The following SHANK2 variants were observed in gnomAD, a reference collection of about 807,000 sequenced individuals.
SHANK2 encodes SH3 and multiple ankyrin repeat domains protein 2.
In SHANK2, 43 loss-of-function variants were observed where a neutral mutation model predicts 133.7. The observed-to-expected ratio is 0.32, with a 90% CI of 0.25 to 0.41. SHANK2 has a LOEUF of 0.41. Ranked by LOEUF, SHANK2 falls within the 10% of genes least tolerant of loss-of-function variation. SHANK2 has a pLI of 1.00. For synonymous variants in SHANK2, 1,017 were observed against 952.8 expected (o/e 1.07, Z -1.24); for missense variants, 1,994 against 2,235.8 (o/e 0.89, Z 2.18).
chr11:70,717,048 C>T (rs1945946001), intron 14 of SHANK2, among the ~76,000 whole-genome samples: 1 of 152,200 alleles, frequency 6.6e-6, no homozygotes, highest in Non-Finnish European at 1.5e-5. Flanking sequence ...TTCTCCCTCT[C>T]CACCGTTACC....
At chr11:70,901,250 T>C (rs953707154) in intron 10 of SHANK2, among the ~76,000 whole-genome samples, 2 of 152,200 alleles carry the variant, frequency 1.3e-5, no homozygotes, top group Admixed American at 6.5e-5. Flanking sequence ...GTCATTTTCA[T>C]GGACTATGGC....
At chr11:70,502,078 G>C (rs1223932358) in intron 19 of SHANK2, 128 bp downstream of exon 19, 66 of 1,317,464 alleles carry the variant, frequency 5.0e-5, no homozygotes, top group Non-Finnish European at 6.7e-5. Flanking sequence ...CCTGATGCAC[G>C]TCTGGGTACA....
At position 70,830,706 on chromosome 11, in the gene SHANK2, T is replaced by C. The variant is rs1948713928; in HGVS notation, c.1175-10024A>G. Among the ~76,000 whole-genome samples, 1 of 152,224 alleles carries C rather than the reference T, an allele frequency of 6.6e-6. No homozygotes were observed. Among genetic ancestry groups the C allele is most frequent in the Non-Finnish European group, 1.5e-5 (1 of 68,036 alleles). On this transcript the variant is annotated intron_variant, in intron 11 of 25. Transcript: ENST00000601538. This position sits in a 1 kb window ranked among gnomAD's most constrained non-coding sequence, Gnocchi z 4.4. ...CCCTGGAGGCTTCCAGAGATCTTCT[T>C]CTCTGAGAAAAGCCTCAGGCTTTGG...
At chr11:70,801,709 T>C in intron 13 of SHANK2, among the ~76,000 whole-genome samples, 2 of 152,030 alleles carry the variant, frequency 1.3e-5, no homozygotes, top group East Asian at 3.9e-4. Context: ...GCCCCATCAC[T>C]GGGATGCTGA....
At chr11:70,732,945 G>A (rs879946039) in intron 14 of SHANK2, among the ~76,000 whole-genome samples, 3 of 152,250 alleles carry the variant, frequency 2.0e-5, no homozygotes, top group South Asian at 2.1e-4. Context: ...CACACAGCCC[G>A]CGCGAATAGT....
At chr11:71,189,099 G>C (rs1953734691) in intron 2 of SHANK2, among the ~76,000 whole-genome samples, 1 of 152,194 alleles carries the variant, frequency 6.6e-6, no homozygotes, top group African/African-American at 2.4e-5. Flanking sequence ...AGTCACATCT[G>C]CCATTCTCGG....
intron 17 of SHANK2, among the ~76,000 whole-genome samples, chr11:70,510,724 C>T (rs1265865053): frequency 3.9e-5 from 6 of 152,186 alleles, no homozygotes; most frequent in Non-Finnish European, 5.9e-5. Flanking sequence ...CTGCCTTGTG[C>T]GAGTCATAGC....
chr11:70,833,006 C>A lies in SHANK2; in HGVS notation c.1175-12324G>T, dbSNP rs529480270. Among the ~76,000 whole-genome samples the A allele has an allele frequency of 9.9e-4, 150 of 152,082 alleles. 4 individuals carry two copies. The South Asian group carries it at 0.029, about 29-fold the overall frequency. On this transcript the variant is annotated intron_variant, in intron 11 of 25. Coordinates refer to ENST00000601538, the MANE Select transcript of SHANK2 (RefSeq NM_012309.5). ...AGAGCAGCCTGGCCAGCGTCCTCAG[C>A]GTCCTCACTGCATTTGGAGTTCCCT...
chr11:71,213,325 A>C (rs10897789), intron 2 of SHANK2, among the ~76,000 whole-genome samples: 55,264 of 151,946 alleles, frequency 0.36, 12,589 homozygotes, highest in East Asian at 0.65. Flanking sequence ...CGCCAAGATT[A>C]CCATACTCTT....
At chr11:70,695,065 C>A (rs1945364349) in intron 15 of SHANK2, among the ~76,000 whole-genome samples, 1 of 152,180 alleles carries the variant, frequency 6.6e-6, no homozygotes, top group South Asian at 2.1e-4. Context: ...TACCATCATC[C>A]TGAATACGTC....
At chr11:71,231,878 G>A (rs1406048951) in intron 1 of SHANK2, among the ~76,000 whole-genome samples, 1 of 151,676 alleles carries the variant, frequency 6.6e-6, no homozygotes, top group Non-Finnish European at 1.5e-5. Flanking sequence ...GACAGGGCCA[G>A]GTGTCTTCAA....
At chr11:71,065,315 C>A (rs2135945729) in intron 9 of SHANK2, among the ~76,000 whole-genome samples, 1 of 149,972 alleles carries the variant, frequency 6.7e-6, no homozygotes, top group South Asian at 2.1e-4. Context: ...GTGCAGAACT[C>A]TCCCAGGGAG....
chr11:70,574,990 A>G (rs1225701613), intron 17 of SHANK2, among the ~76,000 whole-genome samples: 1 of 152,060 alleles, frequency 6.6e-6, no homozygotes, highest in African/African-American at 2.4e-5. Context: ...CTGCCCAACC[A>G]TCCCCATCCC....
chr11:71,218,341 C>T (rs946232175), intron 2 of SHANK2, among the ~76,000 whole-genome samples: 4 of 148,506 alleles, frequency 2.7e-5, no homozygotes, highest in Non-Finnish European at 5.9e-5. Flanking sequence ...CTTGCCTCAC[C>T]GCAACCTGCG....
chr11:70,641,388 T>C (rs1188072899), intron 17 of SHANK2, among the ~76,000 whole-genome samples: 4 of 152,172 alleles, frequency 2.6e-5, no homozygotes, highest in African/African-American at 9.6e-5. Context: ...CCACTGCGCC[T>C]GGACTATGCT....
chr11:70,658,200 G>A lies in SHANK2; in HGVS notation c.2061+1628C>T, dbSNP rs574182618. On this transcript the variant is annotated intron_variant, in intron 17 of 25. Transcript: ENST00000601538. Reference sequence around the variant, plus strand: ...GCCCTGCTGCTAGGCCCAAGGCCACGCCCCCCCAACACACACACACACACA... The same window carrying A: ...GCCCTGCTGCTAGGCCCAAGGCCACACCCCCCCAACACACACACACACACA... 1.4e-4 allele frequency among the ~76,000 whole-genome samples: 13 copies of A among 96,006 alleles called. No individual in the cohort carries two copies. The East Asian group carries it at 2.0e-3, about 15-fold the overall frequency. 63.0% of individuals were successfully genotyped at this position (96,006 alleles called of 152,430 possible).
chr11:70,527,307 T>A (rs2059412066), intron 17 of SHANK2, among the ~76,000 whole-genome samples: 1 of 152,220 alleles, frequency 6.6e-6, no homozygotes, highest in Non-Finnish European at 1.5e-5. Context: ...GGACTTGTGC[T>A]GACCCCTTCT....
At chr11:70,718,705 T>TTTTTTTTTTC (rs1388069963) in intron 14 of SHANK2, among the ~76,000 whole-genome samples, 1 of 149,316 alleles carries the variant, frequency 6.7e-6, no homozygotes, top group Non-Finnish European at 1.5e-5. Flanking sequence ...ATTCTCTTTT[T>TTTTTTTTTTC]TTTTTTTTGA....
intron 9 of SHANK2, among the ~76,000 whole-genome samples, chr11:71,062,664 A>G (rs1000020634): frequency 5.3e-5 from 8 of 152,148 alleles, no homozygotes; most frequent in Non-Finnish European, 1.0e-4. Flanking sequence ...ACTCTTCCCC[A>G]TCTCCTCTTA....
Sources: gnomAD v4.1 joint callset for allele counts (sites outside exome capture counted in the v4.1 genomes callset) on GRCh38, gnomAD v4.1.1 for gene constraint, Gnocchi (gnomAD v3.1) non-coding constraint, MANE v1.5 for transcripts, NCBI Gene and HGNC (gene_info 2026-07-23, HGNC 2026-07-21) for gene names.